RNF44: variants seen among roughly 807,000 people sequenced by gnomAD.
RNF44 encodes the protein ring finger protein 44.
RNF44 carries 25 observed loss-of-function variants against 53.6 expected under a neutral mutation model. That is an observed-to-expected ratio of 0.47 (90% CI 0.34 to 0.65). The LOEUF (loss-of-function observed/expected upper bound fraction) is 0.65. RNF44 is among the 30% of genes least tolerant of loss of function. RNF44 has a pLI of 0.01. For synonymous variants in RNF44, 282 were observed against 252.2 expected (o/e 1.12, Z -1.12); for missense variants, 581 against 595.5 (o/e 0.98, Z 0.25).
At chr5:176,541,531 G>A (rs978388524), upstream of RNF44, among the ~76,000 whole-genome samples, 3 of 152,150 alleles carry the variant, frequency 2.0e-5, no homozygotes, top group African/African-American at 2.4e-5. Context: ...GCCTGAGAGG[G>A]ATCCAAAGTT....
At chr5:176,529,130 C>T in intron 10 of RNF44, 40 bp from the exon 11 acceptor site, 1 of 1,609,380 alleles carries the variant, frequency 6.2e-7, no homozygotes, top group Non-Finnish European at 8.5e-7. Flanking sequence ...CTCACCAGCC[C>T]CAACCCACCA....
intron 6 of RNF44, among the ~76,000 whole-genome samples, 169 bp from the exon 7 acceptor site, chr5:176,530,375 C>CCCAGCCGCCCCGG (rs1425044728): frequency 1.2e-4 from 11 of 93,410 alleles, no homozygotes; most frequent in Non-Finnish European, 1.7e-4. Flanking sequence ...ACGTGCAAGT[C>CCCAGCCGCCCCGG]AGCCCGGTGG....
chr5:176,530,921 G>GGGGGGGGGGGGGGGGGGGGGGGGGC lies in RNF44; in HGVS notation c.565_566insGCCCCCCCCCCCCCCCCCCCCCCCC (p.Ala189GlyfsTer151). ...CATGTGGGTGGGCTGGGGGGGTGGG[G>GGGGGGGGGGGGGGGGGGGGGGGGGC]CCGGTGGTGGGGGGTGCAGGATGTA... On this transcript the variant is annotated frameshift_variant, in exon 5 of 11. Transcript: ENST00000274811. LOFTEE classifies it high-confidence loss of function. 1 of 778,442 alleles carries GGGGGGGGGGGGGGGGGGGGGGGGGC rather than the reference G, an allele frequency of 1.3e-6. No homozygotes were observed. 48.2% of individuals were successfully genotyped at this position (778,442 alleles called of 1,614,324 possible).
At chr5:176,543,168 G>T in the RNF44 span, among the ~76,000 whole-genome samples, 1 of 150,276 alleles carries the variant, frequency 6.7e-6, no homozygotes, top group East Asian at 1.9e-4. This position sits in a 1 kb window ranked among gnomAD's most constrained non-coding sequence, Gnocchi z 4.0. Context: ...CCCCGCGTGC[G>T]TTCCTCCGCC....
upstream of RNF44, chr5:176,538,066 G>C (rs1336694732): frequency 6.6e-6 from 1 of 152,208 alleles, no homozygotes; most frequent in Non-Finnish European, 1.5e-5. Context: ...TGACGTCACA[G>C]AGACATTTAA....
upstream of RNF44, among the ~76,000 whole-genome samples, chr5:176,541,574 A>G (rs1057366515): frequency 2.6e-5 from 4 of 152,036 alleles, no homozygotes; most frequent in African/African-American, 9.7e-5. Flanking sequence ...TTGATGCCAC[A>G]TTCCGGCTTC....
At chr5:176,529,962 G>C (rs932679700) in intron 7 of RNF44, 120 bp downstream of exon 7, 65 of 1,397,354 alleles carry the variant, frequency 4.7e-5, no homozygotes, top group Non-Finnish European at 5.8e-5. Flanking sequence ...TCAGGTTAAG[G>C]GGGGAACGCC....
Position 176,530,648 on chromosome 5 carries a change from A to G in RNF44, c.735T>C (p.Leu245=). The part of the protein sequence containing the change: ...TYSTSAPGPA[L]SPSVPLHYLP... Reference sequence around the variant, plus strand: ...GGTAGTGCAGGGGCACCGACGGGGAAAGGGCTGGGCCAGGCGCAGAGGTGG... The same window carrying G: ...GGTAGTGCAGGGGCACCGACGGGGAGAGGGCTGGGCCAGGCGCAGAGGTGG... The change falls in exon 6 of 11, where the codon CTT becomes CTC. Residue 245 remains leucine, a synonymous_variant. Coordinates refer to ENST00000274811, the MANE Select transcript of RNF44 (RefSeq NM_014901.5). The G allele has an allele frequency of 6.6e-7, 1 of 1,526,496 alleles. No individual in the cohort carries two copies. The highest frequency in any genetic ancestry group is 2.6e-5 in the East Asian group (1 of 38,660). The allele number at this position is 1,526,496 out of a possible 1,614,324, so 94.6% of individuals were successfully genotyped here.
intron 1 of RNF44, among the ~76,000 whole-genome samples, 172 bp downstream of exon 1, chr5:176,536,768 G>C (rs529100442): frequency 6.6e-6 from 1 of 151,236 alleles, no homozygotes; most frequent in Non-Finnish European, 1.5e-5. Context: ...GCCCGGCCAC[G>C]GGGGGCCTTG....
At chr5:176,529,427 C>G in intron 9 of RNF44, 40 bp from the exon 10 acceptor site, 1 of 1,603,734 alleles carries the variant, frequency 6.2e-7, no homozygotes, top group Non-Finnish European at 8.5e-7. Flanking sequence ...CGCTGAGGGC[C>G]ATGGGAAGGC....
At chr5:176,542,082 C>T (rs1475344344), upstream of RNF44, among the ~76,000 whole-genome samples, 1 of 152,224 alleles carries the variant, frequency 6.6e-6, no homozygotes, top group Non-Finnish European at 1.5e-5. Flanking sequence ...AGGTGCTCCC[C>T]GTCTGGGGCT....
upstream of RNF44, among the ~76,000 whole-genome samples, chr5:176,538,867 C>T (rs144518457): frequency 1.7e-5 from 2 of 114,912 alleles, no homozygotes; most frequent in Admixed American, 1.6e-4. Context: ...ATACAGGAAA[C>T]TGATTAACAA....
At chr5:176,529,151 G>T in intron 10 of RNF44, 61 bp from the exon 11 acceptor site, 1 of 1,594,694 alleles carries the variant, frequency 6.3e-7, no homozygotes, top group Non-Finnish European at 8.6e-7. Flanking sequence ...CATCTGTGCA[G>T]CCACCTGGGG....
At chr5:176,530,416 TGCAAGTCAGCCCAGCAG>T (rs1756511193) in intron 6 of RNF44, among the ~76,000 whole-genome samples, 149 bp downstream of exon 6, 2 of 120,036 alleles carry the variant, frequency 1.7e-5, no homozygotes, top group African/African-American at 5.8e-5. Context: ...GGAGCCCAGG[TGCAAGTCAGCCCAGCAG>T]GCCTGCCTCC....
upstream of RNF44, chr5:176,537,982 C>G (rs1757337354): frequency 6.6e-6 from 1 of 152,174 alleles, no homozygotes; most frequent in South Asian, 2.1e-4. Context: ...CCAGATTGCC[C>G]AACAGACCAA....
intron 7 of RNF44, 89 bp downstream of exon 7, chr5:176,529,993 G>A: frequency 6.8e-7 from 1 of 1,468,186 alleles, no homozygotes; most frequent in Non-Finnish European, 9.0e-7. Context: ...AGAGGCCCTG[G>A]GGCCCCTGGA....
chr5:176,532,429 G>T lies in RNF44; in HGVS notation c.44C>A (p.Ala15Asp). ...ALAVTRWPPS[A>D]PVGQRRFSAG... ...AGAGAATCGCCGCTGGCCCACGGGGGCGGAGGGTGGCCACCTAGTCACTGC... is the reference window on the plus strand; with the variant it reads ...AGAGAATCGCCGCTGGCCCACGGGGTCGGAGGGTGGCCACCTAGTCACTGC... Residue 15 changes from alanine (A) to aspartate (D), a missense_variant, in exon 2 of 11, where the codon GCC (alanine) becomes GAC (aspartate). Physicochemically the swap from Ala to Asp is moderately radical, Grantham distance 126. Transcript: ENST00000274811. The T allele has an allele frequency of 6.2e-7, 1 of 1,607,244 alleles. No individual in the cohort carries two copies.
intron 2 of RNF44, 27 bp downstream of exon 2, chr5:176,532,339 C>A (rs201972349): frequency 5.0e-6 from 8 of 1,588,766 alleles, no homozygotes; most frequent in South Asian, 1.1e-5. Context: ...CATGCCCCAG[C>A]ACCAGGACTG....
In RNF44 at chr5:176,531,400, G is replaced by A; in HGVS notation, c.465+63C>T. On this transcript the variant is annotated intron_variant, in intron 4 of 10. Transcript: ENST00000274811. This position sits in a 1 kb window ranked among gnomAD's most constrained non-coding sequence, Gnocchi z 4.2. ...AGTTCAGGGCTGCCCTGGGCCCGCT[G>A]AGCCGCTGGCCTGTGCCTGGGGCTT... The A allele has an allele frequency of 3.4e-6, 5 of 1,490,726 alleles. No individual in the cohort carries two copies. Among genetic ancestry groups the A allele is most frequent in the Non-Finnish European group, 3.6e-6 (4 of 1,111,636 alleles). 92.3% of individuals were successfully genotyped at this position (1,490,726 alleles called of 1,614,324 possible).
Sources: gnomAD v4.1 joint callset for allele counts (sites outside exome capture counted in the v4.1 genomes callset) on GRCh38, gnomAD v4.1.1 for gene constraint, Gnocchi (gnomAD v3.1) non-coding constraint, MANE v1.5 for transcripts, NCBI Gene and HGNC (gene_info 2026-07-23, HGNC 2026-07-21) for gene names.